The following SLC9B1 variants were observed in gnomAD, a reference collection of about 807,000 sequenced individuals.
SLC9B1 encodes the protein sodium/hydrogen exchanger 9B1.
SLC9B1 carries 32 observed loss-of-function variants against 51.7 expected under a neutral mutation model. The ratio of observed to expected loss-of-function variants is 0.62; its 90% CI spans 0.47 to 0.83. The LOEUF (loss-of-function observed/expected upper bound fraction) is 0.83. Among genes scored for constraint, SLC9B1 ranks in the 40% least tolerant of loss-of-function variants. SLC9B1 has a pLI of 0.00. For synonymous variants in SLC9B1, 145 were observed against 212.7 expected (o/e 0.68, Z 2.77); for missense variants, 406 against 613.2 (o/e 0.66, Z 3.57).
At chr4:102,913,259 C>T (rs899569581) in intron 7 of SLC9B1, among the ~76,000 whole-genome samples, 2 of 152,110 alleles carry the variant, frequency 1.3e-5, no homozygotes, top group South Asian at 2.1e-4. Flanking sequence ...ACTTTGGATG[C>T]GTGGGAGCCA....
chr4:102,943,593 C>T (rs757666415), intron 6 of SLC9B1, among the ~76,000 whole-genome samples: 2 of 151,418 alleles, frequency 1.3e-5, no homozygotes, highest in South Asian at 2.1e-4. Flanking sequence ...GCATTCACAG[C>T]AACCTGGAAG....
intron 1 of SLC9B1, among the ~76,000 whole-genome samples, chr4:102,998,485 G>C (rs887949792): frequency 1.1e-4 from 17 of 152,094 alleles, no homozygotes; most frequent in African/African-American, 3.6e-4. Context: ...ATGAAAATAG[G>C]TGTACCAATA....
intron 6 of SLC9B1, among the ~76,000 whole-genome samples, chr4:102,938,143 A>C (rs1736813858): frequency 6.6e-6 from 1 of 152,230 alleles, no homozygotes; most frequent in Non-Finnish European, 1.5e-5. Flanking sequence ...CTCATATGCA[A>C]CGATACCCAT....
intron 6 of SLC9B1, among the ~76,000 whole-genome samples, chr4:102,944,180 A>C (rs1202954928): frequency 1.3e-5 from 2 of 152,200 alleles, no homozygotes; most frequent in Non-Finnish European, 2.9e-5. Context: ...CTAAACACTG[A>C]GTACACATGG....
chr4:103,008,797 C>CTTTT (rs34403441), intron 1 of SLC9B1, among the ~76,000 whole-genome samples: 38 of 99,486 alleles, frequency 3.8e-4, no homozygotes, highest in African/African-American at 6.0e-4. Context: ...TTAACAGTTT[C>CTTTT]TTTTTTTTTT....
downstream of SLC9B1, among the ~76,000 whole-genome samples, chr4:102,899,034 G>A (rs183459402): frequency 0.042 from 6,334 of 151,858 alleles, 457 homozygotes; most frequent in African/African-American, 0.14. Context: ...ACTGTGCCCA[G>A]CCTTATTTGT....
At chr4:102,945,955 A>G (rs1308467326) in intron 5 of SLC9B1, among the ~76,000 whole-genome samples, 1 of 151,998 alleles carries the variant, frequency 6.6e-6, no homozygotes, top group Admixed American at 6.5e-5. Flanking sequence ...AATGCTTTAA[A>G]AGATTGGATT....
chr4:102,898,632 G>C (rs1414078267), downstream of SLC9B1, among the ~76,000 whole-genome samples: 1 of 152,096 alleles, frequency 6.6e-6, no homozygotes, highest in Non-Finnish European at 1.5e-5. Context: ...AGGTAATTTG[G>C]ATTATAAAAT....
At chr4:102,949,490 A>G (rs1737437301) in intron 3 of SLC9B1, 63 bp from the exon 4 acceptor site, 2 of 1,330,002 alleles carry the variant, frequency 1.5e-6, no homozygotes, top group South Asian at 4.2e-5. Flanking sequence ...CAAACAAAGG[A>G]TCAATTCTCT....
intron 3 of SLC9B1, among the ~76,000 whole-genome samples, chr4:102,956,027 C>T (rs977571378): frequency 2.0e-5 from 3 of 152,104 alleles, no homozygotes; most frequent in Non-Finnish European, 4.4e-5. Flanking sequence ...TGAACAGCTG[C>T]TTTTCTTCTG....
chr4:102,940,064 T>A (rs1214423056), intron 6 of SLC9B1, among the ~76,000 whole-genome samples: 2 of 152,216 alleles, frequency 1.3e-5, no homozygotes, highest in African/African-American at 4.8e-5. Flanking sequence ...AGCCAAACTA[T>A]GCCTCTTCAT....
intron 11 of SLC9B1, among the ~76,000 whole-genome samples, chr4:102,905,205 T>TTTTG (rs1347022337): frequency 4.0e-5 from 3 of 74,152 alleles, no homozygotes; most frequent in South Asian, 4.1e-4. Context: ...GGTTCTTTGT[T>TTTTG]TTTGTTTATT....
intron 7 of SLC9B1, among the ~76,000 whole-genome samples, chr4:102,931,019 T>C (rs1038229011): frequency 2.0e-5 from 3 of 151,680 alleles, no homozygotes; most frequent in African/African-American, 7.3e-5. Context: ...GGTCAGGAGA[T>C]TGAGACCATC....
At chr4:102,927,702 T>G (rs1736256835) in intron 7 of SLC9B1, among the ~76,000 whole-genome samples, 1 of 152,236 alleles carries the variant, frequency 6.6e-6, no homozygotes, top group South Asian at 2.1e-4. Context: ...AATTACCATT[T>G]GACCCGGCAA....
chr4:102,970,764 A>C (rs1461949788), intron 3 of SLC9B1, among the ~76,000 whole-genome samples: 7 of 152,214 alleles, frequency 4.6e-5, no homozygotes, highest in Non-Finnish European at 1.0e-4. Flanking sequence ...AGAGACACAC[A>C]TAGGCTCAAA....
intron 11 of SLC9B1, among the ~76,000 whole-genome samples, chr4:102,903,141 A>G (rs1179647889): frequency 3.3e-5 from 5 of 152,186 alleles, no homozygotes; most frequent in Non-Finnish European, 7.3e-5. Flanking sequence ...GAAGCAGAAT[A>G]ATACTGCAGG....
chr4:102,962,774 T>C, intron 3 of SLC9B1: 1 of 475,240 alleles, frequency 2.1e-6, no homozygotes, highest in Admixed American at 2.3e-5. Context: ...GGAGAAATAC[T>C]GTTACATTTG....
At position 102,947,506 on chromosome 4, in the gene SLC9B1, C is replaced by G. The variant is rs1737327082; in HGVS notation, c.383-717G>C. Among the ~76,000 whole-genome samples, 13 of 152,254 alleles carry G rather than the reference C, an allele frequency of 8.5e-5. No homozygotes were observed. The South Asian group carries it at 1.9e-3, about 22-fold the overall frequency. On this transcript the variant is annotated intron_variant, in intron 4 of 11. Coordinates refer to ENST00000296422, the MANE Select transcript of SLC9B1 (RefSeq NM_139173.4). Reference sequence around the variant, plus strand: ...CCTCTTGCCTTAGCCTCCTGAGTAGCTGAGACCCAGAAAAATTTTTAATAT... The same window carrying G: ...CCTCTTGCCTTAGCCTCCTGAGTAGGTGAGACCCAGAAAAATTTTTAATAT...
rs1052665303 is a variant in SLC9B1 at position 102,917,738 on chromosome 4, C to T, written c.830-6201G>A. Among the ~76,000 whole-genome samples the T allele has an allele frequency of 5.9e-5, 9 of 152,128 alleles. No individual in the cohort carries two copies. In the Middle Eastern group the frequency reaches 0.01, roughly 172 times the overall value. On this transcript the variant is annotated intron_variant, in intron 7 of 11. Coordinates refer to ENST00000296422, the MANE Select transcript of SLC9B1 (RefSeq NM_139173.4). The stretch of plus-strand genomic sequence containing the variant: ...CCTCAAGAAACTGGAAAAAGAAGAA[C>T]TCAATCCAATGTTAGCAAAAGGAAG...
Sources: allele counts gnomAD v4.1 joint callset (sites outside exome capture counted in the v4.1 genomes callset), GRCh38; gene constraint gnomAD v4.1.1; transcripts MANE v1.5; gene names NCBI Gene and HGNC (gene_info 2026-07-23, HGNC 2026-07-21).